Variants in RNF38 observed in about 807,000 individuals in gnomAD.
The protein encoded by RNF38 is E3 ubiquitin-protein ligase RNF38.
In RNF38, 15 loss-of-function variants were observed where a neutral mutation model predicts 67.2. The observed-to-expected ratio is 0.22, with a 90% CI of 0.15 to 0.34. The LOEUF is 0.34. Ranked by LOEUF, RNF38 falls within the 10% of genes least tolerant of loss-of-function variation. The probability of loss-of-function intolerance (pLI) is 1.00; values close to 1 mark genes in which losing one functional copy is unlikely to be tolerated. For synonymous variants in RNF38, 220 were observed against 218.8 expected (o/e 1.01, Z -0.05); for missense variants, 524 against 639.9 (o/e 0.82, Z 1.95).
intron 1 of RNF38, among the ~76,000 whole-genome samples, chr9:36,393,524 G>GTGTGTGTGTGTGTGTGTGT (rs1554689613): frequency 4.3e-4 from 36 of 84,338 alleles, no homozygotes; most frequent in East Asian, 1.4e-3. Context: ...TGTGTGTGTG[G>GTGTGTGTGTGTGTGTGTGT]GGCAGGCAGT....
chr9:36,369,955 A>G, intron 3 of RNF38, 23 bp from the exon 4 acceptor site: 2 of 1,583,946 alleles, frequency 1.3e-6, no homozygotes, highest in Non-Finnish European at 1.7e-6. Context: ...TCAAAAAGAA[A>G]GTCATTATGC....
At chr9:36,389,083 C>G (rs1836869664) in intron 2 of RNF38, among the ~76,000 whole-genome samples, 1 of 152,070 alleles carries the variant, frequency 6.6e-6, no homozygotes, top group South Asian at 2.1e-4. Context: ...TCTAGATCCC[C>G]CTCCACCCCC....
intron 1 of RNF38, among the ~76,000 whole-genome samples, chr9:36,443,104 T>C (rs999307399): frequency 1.3e-5 from 2 of 152,264 alleles, no homozygotes; most frequent in African/African-American, 4.8e-5. Context: ...GCCACTTCTA[T>C]GGATGCCTTA....
In RNF38 at chr9:36,452,032, CAT is replaced by C. The variant is rs1029566711; in HGVS notation, n.242-27351_242-27350del. On this transcript the variant is annotated intron_variant and non_coding_transcript_variant, in intron 1 of 3. Coordinates refer to the RNF38 transcript ENST00000488058. ...AGGAGTTCAAGAATAGCCTGGGCCA[CAT>C]AGTGAGATCCCATCTCTACTAAAAA... Among the ~76,000 whole-genome samples, 60 of 152,020 alleles carry C rather than the reference CAT, an allele frequency of 3.9e-4. 1 individual carries two copies. The highest frequency in any genetic ancestry group is 3.0e-3 in the Admixed American group (46 of 15,244).
chr9:36,472,266 T>C (rs1840015596), intron 1 of RNF38, among the ~76,000 whole-genome samples: 1 of 152,194 alleles, frequency 6.6e-6, no homozygotes, highest in Non-Finnish European at 1.5e-5. Flanking sequence ...ATTAATCAGC[T>C]TTTATCCTGC....
chr9:36,367,570 TTC>T lies in RNF38; in HGVS notation c.570+2147_570+2148del, dbSNP rs1409503620. Among the ~76,000 whole-genome samples the T allele has an allele frequency of 2.0e-5, 3 of 149,020 alleles. No individual in the cohort carries two copies. The East Asian group carries it at 5.8e-4, about 29-fold the overall frequency. ...TAAAATAGGTTATTCCAACAGGTTA[TTC>T]TTTTTTCTTTTTTTTAATTAAAAAA... On this transcript the variant is annotated intron_variant, in intron 4 of 11. Coordinates refer to ENST00000259605, the MANE Select transcript of RNF38 (RefSeq NM_022781.5).
intron 4 of RNF38, among the ~76,000 whole-genome samples, chr9:36,368,271 A>C (rs1835123657): frequency 1.3e-5 from 2 of 152,256 alleles, no homozygotes; most frequent in African/African-American, 4.8e-5. Context: ...TACATATGTA[A>C]TGTTTTCATA....
intron 1 of RNF38, among the ~76,000 whole-genome samples, chr9:36,426,614 C>T (rs560850309): frequency 6.6e-6 from 1 of 152,230 alleles, no homozygotes; most frequent in East Asian, 1.9e-4. Flanking sequence ...TTTGTGTGAA[C>T]GTTTATTTTC....
intron 8 of RNF38, among the ~76,000 whole-genome samples, chr9:36,352,014 T>G (rs1251166476): frequency 1.3e-5 from 2 of 152,160 alleles, no homozygotes; most frequent in East Asian, 3.8e-4. Context: ...AATAAATAAT[T>G]ACTGGCAGGG....
chr9:36,347,086 C>T (rs1456906680), intron 9 of RNF38, among the ~76,000 whole-genome samples: 1 of 119,402 alleles, frequency 8.4e-6, no homozygotes, highest in Non-Finnish European at 1.6e-5. Flanking sequence ...CACCATTGCA[C>T]TCCAAGCCTG....
chr9:36,484,711 TA>T (rs1390361918), intron 1 of RNF38, among the ~76,000 whole-genome samples: 1 of 152,206 alleles, frequency 6.6e-6, no homozygotes, highest in Non-Finnish European at 1.5e-5. Flanking sequence ...CAAACAATAT[TA>T]TTTTTCATGT....
intron 1 of RNF38, among the ~76,000 whole-genome samples, chr9:36,438,841 G>C (rs1233411996): frequency 1.3e-5 from 2 of 152,176 alleles, no homozygotes; most frequent in Non-Finnish European, 2.9e-5. Flanking sequence ...TAGAGAGCTA[G>C]GGGCCTAGAG....
intron 2 of RNF38, among the ~76,000 whole-genome samples, chr9:36,383,134 C>T (rs887539493): frequency 2.6e-5 from 4 of 152,146 alleles, no homozygotes; most frequent in Non-Finnish European, 5.9e-5. Context: ...TGACTTCTAA[C>T]ATTACCTCAT....
chr9:36,400,952 C>G (rs924444438), upstream of RNF38: 1 of 984,310 alleles, frequency 1.0e-6, no homozygotes, highest in African/African-American at 1.8e-5. Flanking sequence ...TCGGCGATCA[C>G]AGACCCGGGC....
intron 1 of RNF38, among the ~76,000 whole-genome samples, 180 bp from the exon 2 acceptor site, chr9:36,390,796 C>CA (rs2134017944): frequency 6.6e-6 from 1 of 152,322 alleles, no homozygotes; most frequent in South Asian, 2.1e-4. Context: ...TTGCCTCTGG[C>CA]AATGGATCTC....
At chr9:36,353,375 T>TAC in intron 6 of RNF38, 44 bp from the exon 7 acceptor site, 3 of 1,292,106 alleles carry the variant, frequency 2.3e-6, no homozygotes, top group Non-Finnish European at 3.1e-6. Flanking sequence ...TATATATATA[T>TAC]ACTTCCTGTG....
chr9:36,440,433 A>AG (rs1159261115), intron 1 of RNF38, among the ~76,000 whole-genome samples: 8 of 152,130 alleles, frequency 5.3e-5, no homozygotes. Flanking sequence ...AGGGAGGCTG[A>AG]GGCAGGATAA....
chr9:36,378,009 T>TA lies in RNF38; in HGVS notation c.163-1883dup, dbSNP rs1835907336. Among the ~76,000 whole-genome samples, 5 of 146,052 alleles carry TA rather than the reference T, an allele frequency of 3.4e-5. No homozygotes were observed. The South Asian group carries it at 1.0e-3, about 30-fold the overall frequency. On this transcript the variant is annotated intron_variant, in intron 2 of 11. Transcript: ENST00000259605. ...AAAGTTAGTTATGTTCTGATAATCC[T>TA]AAAACTTAAAAAAAAAGGTAAATAA...
At chr9:36,466,192 C>A (rs1839859116) in intron 1 of RNF38, among the ~76,000 whole-genome samples, 1 of 152,128 alleles carries the variant, frequency 6.6e-6, no homozygotes, top group Non-Finnish European at 1.5e-5. Context: ...TATAAAAGGT[C>A]CAGAACAGGC....
Sources: allele counts gnomAD v4.1 joint callset (sites outside exome capture counted in the v4.1 genomes callset), GRCh38; gene constraint gnomAD v4.1.1; transcripts MANE v1.5; gene names NCBI Gene and HGNC (gene_info 2026-07-23, HGNC 2026-07-21).